CASK: variants seen among roughly 807,000 people sequenced by gnomAD.
CASK encodes calcium/calmodulin dependent serine protein kinase, also known as peripheral plasma membrane protein CASK.
CASK carries 4 observed loss-of-function variants against 82.9 expected under a neutral mutation model. The ratio of observed to expected loss-of-function variants is 0.05; its 90% CI spans 0.02 to 0.11. The LOEUF is 0.11. CASK is among the 10% of genes least tolerant of loss of function. The pLI is 1.00. For synonymous variants in CASK, 259 were observed against 253.5 expected, an observed-to-expected ratio of 1.02 and a Z score of -0.20; for missense variants, 358 against 720.9, an observed-to-expected ratio of 0.50 and a Z score of 5.76.
chrX:41,677,087 G>A (rs762013724), intron 5 of CASK, among the ~76,000 whole-genome samples: 1 of 107,150 alleles, frequency 9.3e-6, no homozygotes, highest in East Asian at 2.9e-4. Flanking sequence ...CGGGAAGATT[G>A]CTTGAGCCCA....
At chrX:41,558,009 A>G (rs1175063626) in intron 18 of CASK, among the ~76,000 whole-genome samples, 1 of 111,490 alleles carries the variant, frequency 9.0e-6, no homozygotes, top group Non-Finnish European at 1.9e-5. Context: ...CTTAAAGGTA[A>G]TGAGATCCCT....
chrX:41,528,818 C>T (rs188302810), intron 25 of CASK, among the ~76,000 whole-genome samples: 112 of 112,039 alleles, frequency 1.0e-3, no homozygotes, highest in African/African-American at 3.5e-3. Context: ...TCACGGGTAT[C>T]CTGAAGGCAG....
In CASK at chrX:41,838,531, G is replaced by A. The variant is rs1466077083; in HGVS notation, c.172+14584C>T. ...AGCACTTTGGGAGGCCAAGGCAGGTGGATCACCTGAGGTCAGGAGTTTGAG... is the reference window on the plus strand; with the variant it reads ...AGCACTTTGGGAGGCCAAGGCAGGTAGATCACCTGAGGTCAGGAGTTTGAG... On this transcript the variant is annotated intron_variant, in intron 2 of 26. Coordinates refer to ENST00000378163, the MANE Select transcript of CASK (RefSeq NM_001367721.1). Among the ~76,000 whole-genome samples the A allele has an allele frequency of 2.7e-5, 3 of 111,484 alleles. No homozygotes were observed. The East Asian group carries it at 8.5e-4, about 32-fold the overall frequency.
chrX:41,847,563 T>C (rs983051990), intron 2 of CASK, among the ~76,000 whole-genome samples: 2 of 112,104 alleles, frequency 1.8e-5, no homozygotes, highest in Non-Finnish European at 3.8e-5. Flanking sequence ...GGATTGCTTT[T>C]CCCCCCAAAG....
chrX:41,887,091 T>C (rs190997080), intron 1 of CASK, among the ~76,000 whole-genome samples: 2 of 110,630 alleles, frequency 1.8e-5, no homozygotes, highest in African/African-American at 6.6e-5. Context: ...AATCTGGAAA[T>C]GCCAATTTCT....
chrX:41,695,102 A>G (rs1336735866), intron 5 of CASK, among the ~76,000 whole-genome samples: 2 of 111,304 alleles, frequency 1.8e-5, no homozygotes, highest in African/African-American at 6.5e-5. Flanking sequence ...AGAGAAGATG[A>G]TCTCATAAAT....
intron 11 of CASK, among the ~76,000 whole-genome samples, chrX:41,618,476 G>GT (rs1229215511): frequency 9.0e-6 from 1 of 110,920 alleles, no homozygotes; most frequent in Non-Finnish European, 1.9e-5. Context: ...TTTTTAAAAA[G>GT]TTTTTTGTAG....
intron 1 of CASK, among the ~76,000 whole-genome samples, chrX:41,880,144 T>G (rs2071920873): frequency 8.9e-6 from 1 of 111,764 alleles, no homozygotes; most frequent in Non-Finnish European, 1.9e-5. Context: ...AAGGCACTTC[T>G]CAAGTTGTCA....
At chrX:41,664,570 T>C (rs1249030468) in intron 7 of CASK, among the ~76,000 whole-genome samples, 2 of 112,048 alleles carry the variant, frequency 1.8e-5, no homozygotes, top group East Asian at 2.8e-4. Context: ...CCCAGCCTCC[T>C]AGTCACTGTC....
chrX:41,749,383 T>TA (rs1215895202), intron 3 of CASK, among the ~76,000 whole-genome samples: 1 of 83,904 alleles, frequency 1.2e-5, no homozygotes, highest in South Asian at 6.7e-4. Flanking sequence ...CCAATTTTTT[T>TA]TTTTTTTTTT....
At chrX:41,810,574 C>A (rs1185104039) in intron 2 of CASK, among the ~76,000 whole-genome samples, 12 of 111,060 alleles carry the variant, frequency 1.1e-4, no homozygotes. Flanking sequence ...TACAAGAGCT[C>A]CTGAAGGAAG....
At chrX:41,607,514 G>C (rs2065979431) in intron 12 of CASK, among the ~76,000 whole-genome samples, 1 of 111,903 alleles carries the variant, frequency 8.9e-6, no homozygotes, top group Non-Finnish European at 1.9e-5. Context: ...TCTAGTAAAG[G>C]GTATAAACTT....
intron 4 of CASK, among the ~76,000 whole-genome samples, chrX:41,744,114 C>T (rs1277136334): frequency 9.4e-6 from 1 of 106,806 alleles, no homozygotes; most frequent in African/African-American, 3.4e-5. Context: ...CGTCCCCCGC[C>T]GCCCGCACCC....
intron 3 of CASK, among the ~76,000 whole-genome samples, chrX:41,784,434 T>C (rs2069541434): frequency 8.9e-6 from 1 of 112,155 alleles, no homozygotes; most frequent in Non-Finnish European, 1.9e-5. Flanking sequence ...GTTTGAAAAA[T>C]GAAGTCAGAT....
intron 2 of CASK, among the ~76,000 whole-genome samples, chrX:41,845,768 C>T (rs2071143052): frequency 9.0e-6 from 1 of 111,261 alleles, no homozygotes; most frequent in Admixed American, 9.5e-5. Context: ...TACTGGTTTT[C>T]TATCTGTCTT....
chrX:41,887,330 A>G (rs2072067890), intron 1 of CASK, among the ~76,000 whole-genome samples: 1 of 108,546 alleles, frequency 9.2e-6, no homozygotes, highest in Non-Finnish European at 1.9e-5. Flanking sequence ...ACACACACAC[A>G]CACACACACA....
chrX:41,803,237 G>T (rs1236310477), intron 2 of CASK, among the ~76,000 whole-genome samples: 1 of 110,971 alleles, frequency 9.0e-6, no homozygotes, highest in African/African-American at 3.3e-5. Flanking sequence ...AATGTACCGA[G>T]GAAAGTTACA....
At chrX:41,871,216 A>C (rs2071703086) in intron 1 of CASK, among the ~76,000 whole-genome samples, 3 of 111,999 alleles carry the variant, frequency 2.7e-5, no homozygotes, top group Non-Finnish European at 5.6e-5. Flanking sequence ...CATAATCTGA[A>C]TCTCTTTCTT....
At chrX:41,714,506 T>C (rs2068030217) in intron 5 of CASK, among the ~76,000 whole-genome samples, 1 of 112,004 alleles carries the variant, frequency 8.9e-6, no homozygotes, top group African/African-American at 3.2e-5. Flanking sequence ...GCAATATTAA[T>C]TGAACATGCT....
Sources: gnomAD v4.1 joint callset for allele counts (sites outside exome capture counted in the v4.1 genomes callset) on GRCh38, gnomAD v4.1.1 for gene constraint, MANE v1.5 for transcripts, NCBI Gene and HGNC (gene_info 2026-07-23, HGNC 2026-07-21) for gene names.